The following TRIO variants were observed in gnomAD, a reference collection of about 807,000 sequenced individuals.
TRIO encodes the protein triple functional domain protein.
A neutral mutation model predicts 351.9 loss-of-function variants in TRIO; 58 were observed. The observed-to-expected ratio is 0.16, with a 90% CI of 0.13 to 0.21. The LOEUF (loss-of-function observed/expected upper bound fraction) is 0.21. Among genes scored for constraint, TRIO ranks in the 10% least tolerant of loss-of-function variants. The pLI is 1.00. For missense variants in TRIO, 3,201 were observed against 4,027.8 expected, an observed-to-expected ratio of 0.79 and a Z score of 5.56; for synonymous variants, 1,758 against 1,595.7, an observed-to-expected ratio of 1.10 and a Z score of -2.42.
chr5:14,449,263 C>T (rs1192696335), intron 34 of TRIO, among the ~76,000 whole-genome samples: 3 of 152,204 alleles, frequency 2.0e-5, no homozygotes, highest in Non-Finnish European at 4.4e-5. Context: ...ACTGCTTCCA[C>T]GGCCGGTGGG....
chr5:14,445,338 A>G (rs1158502117), intron 34 of TRIO, among the ~76,000 whole-genome samples: 15 of 152,216 alleles, frequency 9.9e-5, no homozygotes, highest in Admixed American at 9.8e-4. Context: ...CCCCCCGCCA[A>G]ATATCTAGTT....
chr5:14,298,712 T>C (rs1448960565), intron 7 of TRIO, among the ~76,000 whole-genome samples: 1 of 152,198 alleles, frequency 6.6e-6, no homozygotes, highest in African/African-American at 2.4e-5. Context: ...AGCTGAGTGA[T>C]TTATAAAGAG....
intron 12 of TRIO, 136 bp from the exon 13 acceptor site, chr5:14,359,221 G>A: frequency 9.8e-7 from 1 of 1,024,572 alleles, no homozygotes; most frequent in Non-Finnish European, 1.4e-6. Context: ...CAGGAGAGCA[G>A]CCCGTTCCAT....
At chr5:14,284,061 A>G (rs1000714112) in intron 3 of TRIO, among the ~76,000 whole-genome samples, 1 of 152,210 alleles carries the variant, frequency 6.6e-6, no homozygotes. Context: ...TTGTCCACTA[A>G]TGAAATGATA....
At chr5:14,152,932 A>G (rs544376323) in intron 1 of TRIO, among the ~76,000 whole-genome samples, 60 of 152,214 alleles carry the variant, frequency 3.9e-4, no homozygotes, top group Non-Finnish European at 8.1e-4. Context: ...TGGTATACAT[A>G]TTACTTTTCC....
At chr5:14,148,078 C>G (rs779498793) in intron 1 of TRIO, among the ~76,000 whole-genome samples, 1 of 152,064 alleles carries the variant, frequency 6.6e-6, no homozygotes, top group Admixed American at 6.5e-5. Flanking sequence ...CCTTGTAAAC[C>G]GACATATTGA....
At chr5:14,357,501 C>T (rs542566614) in intron 11 of TRIO, among the ~76,000 whole-genome samples, 1 of 152,334 alleles carries the variant, frequency 6.6e-6, no homozygotes, top group East Asian at 1.9e-4. Context: ...TCCAGGGTGT[C>T]TTTACTCATC....
At chr5:14,433,551 G>A (rs1751348836) in intron 34 of TRIO, among the ~76,000 whole-genome samples, 1 of 152,172 alleles carries the variant, frequency 6.6e-6, no homozygotes, top group South Asian at 2.1e-4. Flanking sequence ...GGGCCAGGGA[G>A]GTGGCGAAAG....
At chr5:14,441,424 G>A (rs1295606182) in intron 34 of TRIO, 3 of 154,608 alleles carry the variant, frequency 1.9e-5, no homozygotes, top group Non-Finnish European at 2.9e-5. Flanking sequence ...TTTCTTTCCA[G>A]TGGCTGCGCA....
At chr5:14,402,624 G>A (rs867338706) in intron 31 of TRIO, among the ~76,000 whole-genome samples, 7 of 151,942 alleles carry the variant, frequency 4.6e-5, no homozygotes, top group African/African-American at 1.5e-4. Flanking sequence ...ATGGATTTTG[G>A]TGGTCACGGT....
At chr5:14,263,979 C>G (rs1470676477) in intron 1 of TRIO, among the ~76,000 whole-genome samples, 1 of 152,162 alleles carries the variant, frequency 6.6e-6, no homozygotes. Flanking sequence ...CACATGGTTT[C>G]TTTTTTGACT....
At chr5:14,445,743 G>A (rs777446955) in intron 34 of TRIO, among the ~76,000 whole-genome samples, 5 of 152,176 alleles carry the variant, frequency 3.3e-5, no homozygotes, top group Non-Finnish European at 5.9e-5. Context: ...TTTTATCCTT[G>A]AAAGCTGATG....
rs1787331360 is a variant in TRIO at position 14,143,950 on chromosome 5, C to T, written c.157+68C>T. The T allele has an allele frequency of 3.9e-6, 4 of 1,012,812 alleles. No individual in the cohort carries two copies. In the Admixed American group the frequency reaches 2.3e-4, roughly 59 times the overall value. 62.7% of individuals were successfully genotyped at this position (1,012,812 alleles called of 1,614,324 possible). A position where few individuals can be genotyped will look rare whatever the true frequency, so the allele number is the denominator to read the frequency against. On this transcript the variant is annotated intron_variant, in intron 1 of 56. Coordinates refer to ENST00000344204, the MANE Select transcript of TRIO (RefSeq NM_007118.4). ...AGCGCTCGGCCGACCCGCCGCGGAGCTGCCGAGCTCCGGCCACCGCGCGCT... is the reference window on the plus strand; with the variant it reads ...AGCGCTCGGCCGACCCGCCGCGGAGTTGCCGAGCTCCGGCCACCGCGCGCT...
intron 34 of TRIO, among the ~76,000 whole-genome samples, chr5:14,438,601 G>A (rs879469318): frequency 5.3e-5 from 8 of 152,162 alleles, no homozygotes; most frequent in Non-Finnish European, 7.3e-5. Flanking sequence ...CCCCTGTGTC[G>A]TCTTCTCCTG....
At chr5:14,258,807 A>G (rs760702612) in intron 1 of TRIO, among the ~76,000 whole-genome samples, 3 of 152,142 alleles carry the variant, frequency 2.0e-5, no homozygotes, top group Non-Finnish European at 2.9e-5. Flanking sequence ...AATGAGTGAG[A>G]TGGTCACACA....
intron 1 of TRIO, among the ~76,000 whole-genome samples, chr5:14,229,953 C>T (rs1793301054): frequency 6.6e-6 from 1 of 152,162 alleles, no homozygotes; most frequent in African/African-American, 2.4e-5. Flanking sequence ...GAAAGAGGTG[C>T]AAACTCCTTC....
chr5:14,352,839 G>T lies in TRIO; in HGVS notation c.2047-5339G>T, dbSNP rs964220368. Among the ~76,000 whole-genome samples the T allele has an allele frequency of 2.6e-5, 4 of 151,984 alleles. No homozygotes were observed. The East Asian group carries it at 7.7e-4, about 29-fold the overall frequency. On this transcript the variant is annotated intron_variant, in intron 11 of 56. Transcript: ENST00000344204. ...GCCAGCGGGAGGATGAGCACATCCA[G>T]TGTGCGGTAAAATATCCAGGATGTT...
intron 30 of TRIO, 164 bp downstream of exon 30, chr5:14,399,234 C>G (rs1747864990): frequency 1.1e-5 from 8 of 699,670 alleles, no homozygotes; most frequent in Admixed American, 2.8e-5. Flanking sequence ...AAATTATTTC[C>G]CACCCTCAAG....
intron 1 of TRIO, among the ~76,000 whole-genome samples, chr5:14,235,054 G>A (rs771810867): frequency 1.3e-5 from 2 of 152,106 alleles, no homozygotes; most frequent in Non-Finnish European, 2.9e-5. Context: ...GAAGCTTTAA[G>A]AACATTTGTT....
Sources: allele counts gnomAD v4.1 joint callset (sites outside exome capture counted in the v4.1 genomes callset), GRCh38; gene constraint gnomAD v4.1.1; transcripts MANE v1.5; gene names NCBI Gene and HGNC (gene_info 2026-07-23, HGNC 2026-07-21).